Variants in PAIP2 observed in about 807,000 individuals in gnomAD.
PAIP2 encodes the protein polyadenylate-binding protein-interacting protein 2.
PAIP2 carries 7 observed loss-of-function variants against 14.8 expected under a neutral mutation model. The observed-to-expected ratio is 0.47, with a 90% CI of 0.27 to 0.89. The LOEUF (loss-of-function observed/expected upper bound fraction) is 0.89, where lower values mean the gene tolerates loss of function less well. PAIP2 is among the 40% of genes least tolerant of loss of function. PAIP2 has a pLI of 0.13. For missense variants in PAIP2, 122 were observed against 154.7 expected (o/e 0.79, Z 1.12); for synonymous variants, 47 against 45.3 (o/e 1.04, Z -0.15).
At chr5:139,361,631 G>A (rs1757068934) in intron 1 of PAIP2, among the ~76,000 whole-genome samples, 1 of 152,058 alleles carries the variant, frequency 6.6e-6, no homozygotes, top group Non-Finnish European at 1.5e-5. Flanking sequence ...GCTTGTATTT[G>A]ATACTACTTT....
intron 1 of PAIP2, among the ~76,000 whole-genome samples, chr5:139,351,269 C>CT (rs1756722659): frequency 6.6e-6 from 1 of 151,830 alleles, no homozygotes; most frequent in Non-Finnish European, 1.5e-5. Flanking sequence ...GTTATTCCCA[C>CT]TTACAGGAAT....
At chr5:139,364,523 C>T (rs759896198) in intron 2 of PAIP2, 41 bp from the exon 3 acceptor site, 3 of 1,226,238 alleles carry the variant, frequency 2.4e-6, no homozygotes, top group Non-Finnish European at 3.6e-6. Flanking sequence ...CTAGTGATAT[C>T]TACCAAGTGT....
In PAIP2 at chr5:139,369,252, G is replaced by A. The variant is rs1406069981; in HGVS notation, c.*454G>A. ...TTTCTGAAGGTCTGTTAGTTAATTT[G>A]AGATAATTTGTTAAAGGCAAGTATG... On this transcript the variant is annotated 3_prime_UTR_variant, in exon 4 of 4. Coordinates refer to ENST00000265192, the MANE Select transcript of PAIP2 (RefSeq NM_016480.5). 1 of 153,390 alleles carries A rather than the reference G, an allele frequency of 6.5e-6. No individual in the cohort carries two copies. Among genetic ancestry groups the A allele is most frequent in the African/African-American group, 2.4e-5 (1 of 41,458 alleles). 9.5% of individuals were successfully genotyped at this position (153,390 alleles called of 1,614,324 possible).
chr5:139,368,010 C>T (rs1757377609), intron 3 of PAIP2, among the ~76,000 whole-genome samples: 2 of 151,894 alleles, frequency 1.3e-5, no homozygotes, highest in South Asian at 4.2e-4. Context: ...ACCATCCTGG[C>T]TAACATGGTG....
At chr5:139,367,390 A>G (rs916083611) in intron 3 of PAIP2, 1 of 152,162 alleles carries the variant, frequency 6.6e-6, no homozygotes, top group African/African-American at 2.4e-5. Flanking sequence ...GATGCTGACA[A>G]GTCTACTTAG....
At chr5:139,345,893 C>T (rs562778019) in intron 1 of PAIP2, among the ~76,000 whole-genome samples, 2 of 152,074 alleles carry the variant, frequency 1.3e-5, no homozygotes, top group South Asian at 4.1e-4. Flanking sequence ...TCCCAAAGTG[C>T]TGGGATTACA....
intron 1 of PAIP2, among the ~76,000 whole-genome samples, chr5:139,343,701 A>G (rs1174692697): frequency 6.6e-6 from 1 of 151,024 alleles, no homozygotes; most frequent in African/African-American, 2.4e-5. Context: ...TGAAATGGGC[A>G]GAGCAAGTTT....
At chr5:139,352,585 C>T (rs2152048318) in intron 1 of PAIP2, among the ~76,000 whole-genome samples, 1 of 147,974 alleles carries the variant, frequency 6.8e-6, no homozygotes, top group East Asian at 2.0e-4. Flanking sequence ...GCAACCTCTG[C>T]CTCAGCCTCC....
intron 2 of PAIP2, chr5:139,364,152 G>A (rs903522166): frequency 2.9e-5 from 15 of 514,244 alleles, no homozygotes; most frequent in Non-Finnish European, 4.8e-5. Flanking sequence ...TCAGGAGGAT[G>A]AGGGTGGAGC....
chr5:139,354,583 T>C (rs1004618227), intron 1 of PAIP2, among the ~76,000 whole-genome samples: 2 of 152,208 alleles, frequency 1.3e-5, no homozygotes, highest in Non-Finnish European at 2.9e-5. Flanking sequence ...TAGGCTGTTA[T>C]CTCTTCAAAT....
intron 1 of PAIP2, among the ~76,000 whole-genome samples, chr5:139,350,344 A>C (rs1028439614): frequency 2.0e-5 from 3 of 151,952 alleles, no homozygotes; most frequent in African/African-American, 7.3e-5. Flanking sequence ...TAGAAATAGA[A>C]ATCACAGGCC....
intron 1 of PAIP2, among the ~76,000 whole-genome samples, chr5:139,354,732 T>C (rs935475687): frequency 2.0e-5 from 3 of 152,166 alleles, no homozygotes; most frequent in Non-Finnish European, 4.4e-5. Flanking sequence ...TAAATCTCAA[T>C]TGACCTTAAC....
chr5:139,349,493 C>T (rs112999855), intron 1 of PAIP2, among the ~76,000 whole-genome samples: 3,071 of 151,510 alleles, frequency 0.02, 117 homozygotes, highest in African/African-American at 0.068. Context: ...GTGATCCACG[C>T]GCCTCAGCCT....
Position 139,364,757 on chromosome 5 carries a change from T to C in PAIP2, c.318+14T>C. ...GAAGATCTTGTGGTAAAAAGTTATT[T>C]TTCATCTTTTTAAAACCTAGTGCAT... On this transcript the variant is annotated intron_variant, in intron 3 of 3. Transcript: ENST00000265192. The C allele has an allele frequency of 6.4e-7, 1 of 1,566,004 alleles. No individual in the cohort carries two copies. The highest frequency in any genetic ancestry group is 1.8e-5 in the Admixed American group (1 of 56,544).
chr5:139,355,223 G>A (rs973534346), intron 1 of PAIP2, among the ~76,000 whole-genome samples: 11 of 143,378 alleles, frequency 7.7e-5, no homozygotes, highest in Non-Finnish European at 1.2e-4. Context: ...AGGCTGGAGT[G>A]CAGTGGCATG....
chr5:139,363,658 A>G lies in PAIP2; in HGVS notation c.-26-101A>G, dbSNP rs536006841. The G allele has an allele frequency of 1.0e-4, 101 of 997,492 alleles. No individual in the cohort carries two copies. In the African/African-American group the frequency reaches 1.6e-3, roughly 15 times the overall value. 61.8% of individuals were successfully genotyped at this position (997,492 alleles called of 1,614,324 possible). ...ATCGAGGCTGTGGTGAGCCATGATC[A>G]CACCATTGCACTCCAGCCTGGATGA... On this transcript the variant is annotated intron_variant, in intron 1 of 3. Coordinates refer to ENST00000265192, the MANE Select transcript of PAIP2 (RefSeq NM_016480.5).
At chr5:139,342,091 C>G (rs894280206) in intron 1 of PAIP2, 111 bp downstream of exon 1, 1 of 152,612 alleles carries the variant, frequency 6.6e-6, no homozygotes, top group Non-Finnish European at 1.5e-5. Context: ...GCCACCGAGT[C>G]CATTGCGGCC....
chr5:139,345,576 G>A (rs1756514842), intron 1 of PAIP2, among the ~76,000 whole-genome samples: 3 of 151,898 alleles, frequency 2.0e-5, no homozygotes, highest in African/African-American at 4.8e-5. Context: ...AGAAAAGATG[G>A]TGCCTATGGA....
chr5:139,368,883 T>C lies in PAIP2; in HGVS notation c.*85T>C. Reference sequence around the variant, plus strand: ...AGAAGACTTAATTGTAAAAGCTCTCTTGTCACTGTGTTACACTTATGCATT... The same window carrying C: ...AGAAGACTTAATTGTAAAAGCTCTCCTGTCACTGTGTTACACTTATGCATT... On this transcript the variant is annotated 3_prime_UTR_variant, in exon 4 of 4. Coordinates refer to ENST00000265192, the MANE Select transcript of PAIP2 (RefSeq NM_016480.5). 1 of 1,035,834 alleles carries C rather than the reference T, an allele frequency of 9.7e-7. No individual in the cohort carries two copies. The highest frequency in any genetic ancestry group is 1.9e-5 in the Admixed American group (1 of 52,168). The allele number at this position is 1,035,834 out of a possible 1,614,324, so 64.2% of individuals were successfully genotyped here.
Sources: allele counts gnomAD v4.1 joint callset (sites outside exome capture counted in the v4.1 genomes callset), GRCh38; gene constraint gnomAD v4.1.1; transcripts MANE v1.5; gene names NCBI Gene and HGNC (gene_info 2026-07-23, HGNC 2026-07-21).